TRERF1: variants seen among roughly 807,000 people sequenced by gnomAD.
TRERF1 encodes the protein transcriptional regulating factor 1.
TRERF1 carries 27 observed loss-of-function variants against 122.9 expected under a neutral mutation model. That is an observed-to-expected ratio of 0.22 (90% CI 0.16 to 0.30). The LOEUF is 0.30. Among genes scored for constraint, TRERF1 ranks in the 10% least tolerant of loss-of-function variants. TRERF1 has a pLI of 1.00. For missense variants in TRERF1, 1,248 were observed against 1,560.3 expected, an observed-to-expected ratio of 0.80 and a Z score of 3.37; for synonymous variants, 636 against 641.7, an observed-to-expected ratio of 0.99 and a Z score of 0.13.
intron 2 of TRERF1, among the ~76,000 whole-genome samples, chr6:42,441,984 C>T (rs532552721): frequency 7.9e-4 from 121 of 152,278 alleles, no homozygotes; most frequent in Non-Finnish European, 1.0e-3. Flanking sequence ...GAATTCCATA[C>T]TGCCTTCTAA....
intron 2 of TRERF1, among the ~76,000 whole-genome samples, chr6:42,429,422 G>T (rs535997164): frequency 1.3e-5 from 2 of 152,164 alleles, no homozygotes; most frequent in Non-Finnish European, 2.9e-5. Flanking sequence ...ACCACGGAGG[G>T]GGGGAAATGG....
At chr6:42,237,010 T>C (rs1772395219) in intron 15 of TRERF1, among the ~76,000 whole-genome samples, 1 of 152,212 alleles carries the variant, frequency 6.6e-6, no homozygotes, top group Admixed American at 6.5e-5. Flanking sequence ...AAGGGGAGAT[T>C]CCCTTTTATT....
chr6:42,391,805 T>G (rs1333345694), intron 2 of TRERF1, among the ~76,000 whole-genome samples: 1 of 152,174 alleles, frequency 6.6e-6, no homozygotes, highest in Non-Finnish European at 1.5e-5. Context: ...TATGTACATT[T>G]CTACCTAATT....
chr6:42,244,628 A>G (rs1053553563), intron 14 of TRERF1, among the ~76,000 whole-genome samples: 1 of 152,220 alleles, frequency 6.6e-6, no homozygotes, highest in Non-Finnish European at 1.5e-5. Context: ...TTTTCAGATC[A>G]GTCCTTACAG....
intron 2 of TRERF1, among the ~76,000 whole-genome samples, chr6:42,427,602 G>A (rs1783830560): frequency 6.7e-6 from 1 of 149,638 alleles, no homozygotes; most frequent in South Asian, 2.1e-4. Flanking sequence ...CCAGGCTGGA[G>A]TGTGGTATGC....
At chr6:42,380,668 AC>A (rs1359359467) in intron 2 of TRERF1, among the ~76,000 whole-genome samples, 1 of 152,182 alleles carries the variant, frequency 6.6e-6, no homozygotes, top group Non-Finnish European at 1.5e-5. Context: ...CGCCTGCCCC[AC>A]CTTATAGCAA....
At chr6:42,392,204 G>T (rs1257765852) in intron 2 of TRERF1, among the ~76,000 whole-genome samples, 4 of 152,222 alleles carry the variant, frequency 2.6e-5, no homozygotes, top group African/African-American at 9.7e-5. Flanking sequence ...CATGGCAGGG[G>T]TGTGATGCCT....
At chr6:42,291,353 G>A (rs1318783775) in intron 4 of TRERF1, among the ~76,000 whole-genome samples, 2 of 151,572 alleles carry the variant, frequency 1.3e-5, no homozygotes, top group South Asian at 2.1e-4. Flanking sequence ...GTACAGGCAC[G>A]TCCCATGAAT....
intron 2 of TRERF1, among the ~76,000 whole-genome samples, chr6:42,375,935 A>G (rs937446428): frequency 9.2e-5 from 14 of 152,214 alleles, no homozygotes; most frequent in Admixed American, 7.8e-4. Context: ...AAGCACATTA[A>G]ACAGAAGAAA....
chr6:42,238,859 AC>A (rs1561800469), intron 15 of TRERF1, among the ~76,000 whole-genome samples: 70 of 150,538 alleles, frequency 4.6e-4, no homozygotes, highest in African/African-American at 1.6e-3. Context: ...ACACACACAC[AC>A]ACACACACAC....
intron 2 of TRERF1, among the ~76,000 whole-genome samples, chr6:42,449,619 A>T (rs1788116796): frequency 6.6e-6 from 1 of 152,188 alleles, no homozygotes; most frequent in African/African-American, 2.4e-5. Context: ...ATACATAAAG[A>T]TTTTGTTTAC....
intron 4 of TRERF1, among the ~76,000 whole-genome samples, chr6:42,296,907 A>G (rs1327457521): frequency 1.3e-5 from 2 of 152,222 alleles, no homozygotes; most frequent in East Asian, 3.8e-4. Context: ...GCCACAAAAT[A>G]TGGAGAAGCC....
intron 15 of TRERF1, among the ~76,000 whole-genome samples, chr6:42,242,497 G>A (rs138359203): frequency 1.8e-3 from 267 of 152,316 alleles, no homozygotes; most frequent in Middle Eastern, 6.8e-3. Context: ...CACATATATG[G>A]TAGGTAATGT....
chr6:42,227,650 A>C (rs1769727426), exon 18 of TRERF1: 1 of 152,300 alleles, frequency 6.6e-6, no homozygotes, highest in Non-Finnish European at 1.5e-5. Context: ...CCTGTTCTAG[A>C]AAACCAGGTC....
intron 3 of TRERF1, among the ~76,000 whole-genome samples, chr6:42,314,274 T>G (rs1480521588): frequency 3.3e-5 from 5 of 152,272 alleles, no homozygotes; most frequent in African/African-American, 1.2e-4. Flanking sequence ...TTCACTGCTT[T>G]GTGCTTTGTA....
intron 3 of TRERF1, among the ~76,000 whole-genome samples, chr6:42,334,140 A>G (rs1218667072): frequency 1.3e-5 from 2 of 151,848 alleles, no homozygotes; most frequent in African/African-American, 4.8e-5. Flanking sequence ...CCCTCATGGG[A>G]CAAATATAGA....
intron 16 of TRERF1, among the ~76,000 whole-genome samples, chr6:42,233,213 G>A (rs1420894293): frequency 6.6e-6 from 1 of 151,872 alleles, no homozygotes; most frequent in East Asian, 1.9e-4. Context: ...AAGCTGTTGG[G>A]CCATTTCCCT....
In TRERF1 at chr6:42,276,136, C is replaced by G. The variant is rs976442122; in HGVS notation, c.-258-6288G>C. On this transcript the variant is annotated intron_variant, in intron 4 of 17. Transcript: ENST00000372922. The surrounding 1 kb of genome is among the most constrained non-coding windows in gnomAD (Gnocchi z 4.3). ...TCTAGAGCATCAAAGTCTCTCCACA[C>G]CCCACCCCCTGGCCTGGGGCACCAG... Among the ~76,000 whole-genome samples, 1 of 152,220 alleles carries G rather than the reference C, an allele frequency of 6.6e-6. No homozygotes were observed. The highest frequency in any genetic ancestry group is 2.4e-5 in the African/African-American group (1 of 41,446).
At chr6:42,422,801 T>TCCACAGCC (rs1001456757) in intron 2 of TRERF1, among the ~76,000 whole-genome samples, 1 of 150,548 alleles carries the variant, frequency 6.6e-6, no homozygotes, top group Admixed American at 6.6e-5. Flanking sequence ...CCATGGCCTC[T>TCCACAGCC]CCACAGCCCC....
Sources: allele counts gnomAD v4.1 joint callset (sites outside exome capture counted in the v4.1 genomes callset), GRCh38; gene constraint gnomAD v4.1.1; non-coding constraint Gnocchi (gnomAD v3.1); transcripts MANE v1.5; gene names NCBI Gene and HGNC (gene_info 2026-07-23, HGNC 2026-07-21).